Variants in OR7A10 observed in about 807,000 individuals in gnomAD.
OR7A10 encodes olfactory receptor 7A10.
For synonymous variants in OR7A10, 144 were observed against 144.5 expected (o/e 1.00, Z 0.02); for missense variants, 358 against 370.1 (o/e 0.97, Z 0.27).
At position 14,840,896 on chromosome 19, in the gene OR7A10, C is replaced by T. The variant is rs2044906681; in HGVS notation, c.*52G>A. The T allele has an allele frequency of 5.4e-6, 7 of 1,289,900 alleles. No individual in the cohort carries two copies. The highest frequency in any genetic ancestry group is 6.5e-6 in the Non-Finnish European group (6 of 923,224). 79.9% of individuals were successfully genotyped at this position (1,289,900 alleles called of 1,614,324 possible). On this transcript the variant is annotated 3_prime_UTR_variant, in exon 2 of 2. Transcript: ENST00000641129. ...CTTATTAACAAATCACCATTTCTGG[C>T]TCTGGGGCTTAGAGCTCTGAAGTCA...
chr19:14,843,095 A>C (rs533637865), intron 1 of OR7A10, among the ~76,000 whole-genome samples: 1 of 152,342 alleles, frequency 6.6e-6, no homozygotes, highest in Admixed American at 6.5e-5. Context: ...CAACGTCCCT[A>C]ATCATTACAT....
At chr19:14,843,069 C>T (rs1005414160) in intron 1 of OR7A10, among the ~76,000 whole-genome samples, 1 of 152,136 alleles carries the variant, frequency 6.6e-6, no homozygotes, top group Non-Finnish European at 1.5e-5. Flanking sequence ...GGCCAACAAG[C>T]ATATTAAAAA....
chr19:14,840,989 T>C lies in OR7A10; in HGVS notation c.889A>G (p.Ile297Val). The C allele has an allele frequency of 6.2e-7, 1 of 1,613,678 alleles. No homozygotes were observed. The highest frequency in any genetic ancestry group is 8.5e-7 in the Non-Finnish European group (1 of 1,179,860). Reference sequence around the variant, plus strand: ...AAGAATGTTTTCATAGCACCCTTTATGTGTTTATTCCTCAGACTGTAGATG... The same window carrying C: ...AAGAATGTTTTCATAGCACCCTTTACGTGTTTATTCCTCAGACTGTAGATG... ...PFIYSLRNKH[I>V]KGAMKTFFRG... The change falls in exon 2 of 2, where the codon ATA becomes GTA. Residue 297 changes from isoleucine to valine, a missense_variant. By Grantham distance (29) the Ile-to-Val change is conservative (BLOSUM62 3). Coordinates refer to ENST00000641129, the MANE Select transcript of OR7A10 (RefSeq NM_001005190.2).
intron 1 of OR7A10, among the ~76,000 whole-genome samples, chr19:14,843,910 CGG>C (rs943499007): frequency 9.9e-5 from 15 of 152,034 alleles, no homozygotes; most frequent in African/African-American, 3.4e-4. Flanking sequence ...TGGGGACTGT[CGG>C]GGGTACGGGA....
At chr19:14,842,944 G>T (rs2044922883) in intron 1 of OR7A10, among the ~76,000 whole-genome samples, 1 of 152,010 alleles carries the variant, frequency 6.6e-6, no homozygotes, top group Admixed American at 6.6e-5. Flanking sequence ...ATTGCCAAGG[G>T]TCTAATATCA....
rs144493690 is a variant in OR7A10, at chr19:14,841,231, T to A, written c.647A>T (p.Tyr216Phe). The A allele has an allele frequency of 3.7e-5, 60 of 1,614,136 alleles. No homozygotes were observed. In the African/African-American group the frequency reaches 7.1e-4, roughly 19 times the overall value. Residue 216 changes from tyrosine (Y) to phenylalanine (F), a missense_variant, in exon 2 of 2, where the codon TAC becomes TTC. Tyr to Phe is a conservative substitution (Grantham distance 22, BLOSUM62 3). Transcript: ENST00000641129. Reference sequence around the variant, plus strand: ...GGAGGAAACTATCTTAGAGTAAGAGTACAGGATCCCAGTGAGGGGACCACC... The same window carrying A: ...GGAGGAAACTATCTTAGAGTAAGAGAACAGGATCCCAGTGAGGGGACCACC... The part of the protein sequence containing the change: ...LGGGPLTGIL[Y>F]SYSKIVSSIR...
intron 1 of OR7A10, among the ~76,000 whole-genome samples, chr19:14,845,060 CACACACACAA>C (rs1368301714): frequency 1.4e-5 from 2 of 138,658 alleles, no homozygotes; most frequent in African/African-American, 5.6e-5. Flanking sequence ...TGCACACACA[CACACACACAA>C]ACACACACAC....
chr19:14,841,173 A>T lies in OR7A10; in HGVS notation c.705T>A (p.Tyr235Ter). 1 of 1,614,154 alleles carries T rather than the reference A, an allele frequency of 6.2e-7. No homozygotes were observed. Among genetic ancestry groups the T allele is most frequent in the Non-Finnish European group, 8.5e-7 (1 of 1,180,026 alleles). Reference sequence around the variant, plus strand: ...GAGATGCACAGGTGGAAAATGCCTTATACTTCCCCTGAGCTGATGAGATTG... The same window carrying T: ...GAGATGCACAGGTGGAAAATGCCTTTTACTTCCCCTGAGCTGATGAGATTG... ...IRAISSAQGK[Y>*]KAFSTCASHL... Residue 235 changes from tyrosine to a stop codon, truncating the protein, a stop_gained, in exon 2 of 2, where the codon TAT (tyrosine) becomes TAA (stop). Transcript: ENST00000641129. LOFTEE classifies it low-confidence loss of function (END_TRUNC).
intron 1 of OR7A10, among the ~76,000 whole-genome samples, chr19:14,843,111 C>T (rs1347286915): frequency 6.6e-6 from 1 of 152,066 alleles, no homozygotes; most frequent in African/African-American, 2.4e-5. Context: ...TACATAAATG[C>T]AAATTAAAAC....
At chr19:14,848,193 A>G (rs957630572) in intron 1 of OR7A10, among the ~76,000 whole-genome samples, 1 of 151,508 alleles carries the variant, frequency 6.6e-6, no homozygotes, top group Non-Finnish European at 1.5e-5. Flanking sequence ...TTCCCACTTA[A>G]TTGCAGTGAT....
At chr19:14,847,570 G>A (rs1457108291) in intron 1 of OR7A10, among the ~76,000 whole-genome samples, 1 of 152,010 alleles carries the variant, frequency 6.6e-6, no homozygotes, top group Non-Finnish European at 1.5e-5. Flanking sequence ...GAGTGCAGTG[G>A]CGCGATCTCG....
At chr19:14,844,798 G>T (rs933088492) in intron 1 of OR7A10, among the ~76,000 whole-genome samples, 5 of 151,342 alleles carry the variant, frequency 3.3e-5, no homozygotes, top group Non-Finnish European at 7.4e-5. Context: ...GAGTAGCTGG[G>T]ATTATAGGCG....
intron 1 of OR7A10, among the ~76,000 whole-genome samples, chr19:14,842,359 T>C (rs893352588): frequency 2.6e-5 from 4 of 152,242 alleles, no homozygotes; most frequent in African/African-American, 9.6e-5. Context: ...CAAGCGAATC[T>C]TGTGCCTCAA....
intron 1 of OR7A10, 36 bp from the exon 2 acceptor site, chr19:14,841,925 A>G (rs1173407182): frequency 3.2e-6 from 4 of 1,268,230 alleles, no homozygotes; most frequent in Non-Finnish European, 4.4e-6. Flanking sequence ...AGAGAGAGTG[A>G]AAGAACATGA....
chr19:14,846,823 A>C (rs897436296), intron 1 of OR7A10, among the ~76,000 whole-genome samples: 5 of 152,100 alleles, frequency 3.3e-5, no homozygotes, highest in African/African-American at 4.8e-5. Flanking sequence ...CACAACTTCT[A>C]GATATGGATT....
chr19:14,842,959 C>T (rs986730340), intron 1 of OR7A10, among the ~76,000 whole-genome samples: 1 of 152,036 alleles, frequency 6.6e-6, no homozygotes, highest in African/African-American at 2.4e-5. Flanking sequence ...ATATCAGAAT[C>T]TATAAGAAAC....
chr19:14,844,070 A>C (rs546441246), intron 1 of OR7A10, among the ~76,000 whole-genome samples: 16 of 152,170 alleles, frequency 1.1e-4, no homozygotes, highest in Non-Finnish European at 2.4e-4. Context: ...CCAGCACTTA[A>C]AGAATAATTT....
intron 1 of OR7A10, among the ~76,000 whole-genome samples, chr19:14,847,704 T>C (rs756902616): frequency 1.3e-5 from 2 of 151,848 alleles, no homozygotes; most frequent in Non-Finnish European, 2.9e-5. Context: ...TTAGTAGATA[T>C]GGGGTTTCAC....
intron 1 of OR7A10, among the ~76,000 whole-genome samples, chr19:14,846,151 T>C (rs1162496798): frequency 6.6e-6 from 1 of 151,886 alleles, no homozygotes; most frequent in Non-Finnish European, 1.5e-5. Flanking sequence ...CAAGACTCCG[T>C]CTTAAAGAAA....
Sources: allele counts gnomAD v4.1 joint callset (sites outside exome capture counted in the v4.1 genomes callset), GRCh38; gene constraint gnomAD v4.1.1; transcripts MANE v1.5; gene names NCBI Gene and HGNC (gene_info 2026-07-23, HGNC 2026-07-21).